Variants in PTPRD observed in about 807,000 individuals in gnomAD.
PTPRD encodes receptor-type tyrosine-protein phosphatase delta.
Under a neutral mutation model 214.5 loss-of-function variants are expected in PTPRD, and 34 were observed. That is an observed-to-expected ratio of 0.16 (90% confidence interval 0.12 to 0.21). PTPRD has a LOEUF of 0.21. PTPRD is among the 10% of genes least tolerant of loss of function. The pLI, the probability that PTPRD is intolerant of heterozygous loss-of-function variation, is 1.00. For synonymous variants in PTPRD, 1,128 were observed against 845.7 expected (o/e 1.33, Z -5.79); for missense variants, 2,545 against 2,398.7 (o/e 1.06, Z -1.27).
intron 5 of PTPRD, among the ~76,000 whole-genome samples, chr9:9,874,445 AT>A (rs199910190): frequency 0.024 from 3,654 of 152,274 alleles, 55 homozygotes; most frequent in Middle Eastern, 0.044. Context: ...GTCACAACAT[AT>A]GCAACGCAGA....
chr9:8,520,916 T>C (rs2097877853), intron 20 of PTPRD, among the ~76,000 whole-genome samples: 1 of 152,138 alleles, frequency 6.6e-6, no homozygotes, highest in Non-Finnish European at 1.5e-5. Flanking sequence ...TCATATTGAC[T>C]TTTCTTGGGG....
chr9:9,962,184 A>C (rs1053187807), intron 4 of PTPRD, among the ~76,000 whole-genome samples: 3 of 152,146 alleles, frequency 2.0e-5, no homozygotes, highest in African/African-American at 7.2e-5. Context: ...CAAGCAATGA[A>C]GGCTGAACAT....
intron 3 of PTPRD, among the ~76,000 whole-genome samples, chr9:10,333,976 C>A (rs1202407761): frequency 6.6e-6 from 1 of 151,674 alleles, no homozygotes; most frequent in East Asian, 1.9e-4. Context: ...AAAGTTGACC[C>A]AAGTTTTCCT....
intron 3 of PTPRD, among the ~76,000 whole-genome samples, chr9:10,176,034 G>A (rs2099246617): frequency 6.6e-6 from 1 of 151,912 alleles, no homozygotes; most frequent in African/African-American, 2.4e-5. Flanking sequence ...AATGTATTGT[G>A]AACAATATTT....
intron 9 of PTPRD, among the ~76,000 whole-genome samples, chr9:9,234,550 C>T (rs760321358): frequency 2.6e-5 from 4 of 152,196 alleles, no homozygotes; most frequent in African/African-American, 4.8e-5. Context: ...TTTTCTATGA[C>T]ATCACCCGGC....
chr9:10,374,703 G>A (rs148108353), intron 2 of PTPRD, among the ~76,000 whole-genome samples: 104 of 152,142 alleles, frequency 6.8e-4, no homozygotes, highest in African/African-American at 2.3e-3. Flanking sequence ...CTAGCTCCAT[G>A]TTCTCTATGA....
intron 10 of PTPRD, among the ~76,000 whole-genome samples, chr9:9,028,156 T>C (rs1439965832): frequency 1.3e-5 from 2 of 152,096 alleles, no homozygotes; most frequent in African/African-American, 2.4e-5. Flanking sequence ...TTATCCCTTA[T>C]CAAATCACTT....
intron 3 of PTPRD, among the ~76,000 whole-genome samples, chr9:10,036,591 T>C (rs2097186870): frequency 6.6e-6 from 1 of 151,882 alleles, no homozygotes; most frequent in African/African-American, 2.4e-5. Context: ...TTATTTCATT[T>C]TATTATATTT....
chr9:8,711,097 C>G (rs1489443587), intron 12 of PTPRD, among the ~76,000 whole-genome samples: 1 of 151,820 alleles, frequency 6.6e-6, no homozygotes, highest in Non-Finnish European at 1.5e-5. Context: ...TATTTCATGC[C>G]ATAACTCAAC....
At chr9:8,460,938 C>T (rs766160769) in intron 32 of PTPRD, among the ~76,000 whole-genome samples, 22 of 151,934 alleles carry the variant, frequency 1.4e-4, no homozygotes, top group Non-Finnish European at 2.2e-4. Context: ...TGTGCCAAGG[C>T]GTTAGGTGCT....
At chr9:8,836,046 C>T (rs1396366895) in intron 11 of PTPRD, among the ~76,000 whole-genome samples, 4 of 152,042 alleles carry the variant, frequency 2.6e-5, no homozygotes. Flanking sequence ...ACATATATAC[C>T]GGTTTAATTA....
chr9:9,433,524 G>C (rs969050350), intron 8 of PTPRD, among the ~76,000 whole-genome samples: 5 of 151,200 alleles, frequency 3.3e-5, no homozygotes, highest in African/African-American at 1.2e-4. Context: ...TTTGACTTTA[G>C]AAACTAATTA....
intron 5 of PTPRD, among the ~76,000 whole-genome samples, chr9:9,868,582 G>A (rs950890025): frequency 6.6e-6 from 1 of 151,622 alleles, no homozygotes; most frequent in Non-Finnish European, 1.5e-5. Flanking sequence ...ATAGAAAGGT[G>A]ACAATGAGAT....
chr9:9,180,894 A>T (rs546653010), intron 10 of PTPRD, among the ~76,000 whole-genome samples: 42 of 152,262 alleles, frequency 2.8e-4, no homozygotes, highest in Admixed American at 9.8e-4. Context: ...CAATATGGAG[A>T]AGTTGGAACT....
intron 5 of PTPRD, among the ~76,000 whole-genome samples, chr9:9,876,819 A>T (rs546956455): frequency 6.6e-6 from 1 of 152,332 alleles, no homozygotes; most frequent in Non-Finnish European, 1.5e-5. Context: ...ACGGCATGCC[A>T]TGCATTAAGG....
At chr9:9,754,204 A>G (rs1490510878) in intron 6 of PTPRD, among the ~76,000 whole-genome samples, 3 of 152,096 alleles carry the variant, frequency 2.0e-5, no homozygotes, top group Non-Finnish European at 2.9e-5. Flanking sequence ...GGAATGAAAG[A>G]GTCTTTGAAA....
intron 8 of PTPRD, among the ~76,000 whole-genome samples, chr9:9,451,404 T>C (rs2092133741): frequency 6.6e-6 from 1 of 151,814 alleles, no homozygotes; most frequent in African/African-American, 2.4e-5. Flanking sequence ...CAAGAATTCA[T>C]GCAATTTTGC....
intron 39 of PTPRD, among the ~76,000 whole-genome samples, chr9:8,352,710 T>G (rs1437972007): frequency 6.6e-6 from 1 of 152,200 alleles, no homozygotes; most frequent in Admixed American, 6.5e-5. Context: ...TGGAGGGCAT[T>G]TGAACTTTAG....
chr9:10,355,946 C>T (rs138321241), intron 2 of PTPRD, among the ~76,000 whole-genome samples: 1 of 151,944 alleles, frequency 6.6e-6, no homozygotes, highest in African/African-American at 2.4e-5. Context: ...AATCTAAAGT[C>T]GTATTAGAGA....
Sources: gnomAD v4.1 joint callset for allele counts (sites outside exome capture counted in the v4.1 genomes callset) on GRCh38, gnomAD v4.1.1 for gene constraint, MANE v1.5 for transcripts, NCBI Gene and HGNC (gene_info 2026-07-23, HGNC 2026-07-21) for gene names.